GLYR1: variants seen among roughly 807,000 people sequenced by gnomAD.
GLYR1 encodes the protein glyoxylate reductase 1 homolog.
In GLYR1, 21 loss-of-function variants were observed where a neutral mutation model predicts 72.7. The observed-to-expected ratio is 0.29, with a 90% CI of 0.20 to 0.42. GLYR1 has a LOEUF of 0.42. Ranked by LOEUF, GLYR1 falls within the 10% of genes least tolerant of loss-of-function variation. The pLI is 1.00. For missense variants in GLYR1, 594 were observed against 712.1 expected (o/e 0.83, Z 1.89); for synonymous variants, 392 against 270.2 (o/e 1.45, Z -4.42).
chr16:4,808,878 A>T (rs1249530627), intron 15 of GLYR1, among the ~76,000 whole-genome samples: 3 of 152,082 alleles, frequency 2.0e-5, no homozygotes, highest in Non-Finnish European at 4.4e-5. Context: ...AGGTGGGAGG[A>T]TTGCTTGAGC....
In GLYR1 at chr16:4,804,834, T is replaced by G; in HGVS notation, c.*402A>C. 4.5e-6 allele frequency: 1 copy of G among 223,648 alleles called. No individual in the cohort carries two copies. Among genetic ancestry groups the G allele is most frequent in the South Asian group, 7.7e-5 (1 of 13,022 alleles). 13.9% of individuals were successfully genotyped at this position (223,648 alleles called of 1,614,324 possible). On this transcript the variant is annotated 3_prime_UTR_variant, in exon 16 of 16. Coordinates refer to ENST00000321919, the MANE Select transcript of GLYR1 (RefSeq NM_032569.4). ...GAAGGCTTCCAACTCTCGTTGCTGA[T>G]TCTAGTTCCTTGACTGGAAGGGGTT...
At chr16:4,811,923 G>C in intron 13 of GLYR1, 121 bp from the exon 14 acceptor site, 2 of 1,412,864 alleles carry the variant, frequency 1.4e-6, no homozygotes, top group Non-Finnish European at 1.9e-6. Context: ...ACCTGCCCCC[G>C]ACAGACTGGC....
chr16:4,847,283 G>T lies in GLYR1; in HGVS notation c.-18C>A, dbSNP rs770410027. 1.2e-5 allele frequency: 19 copies of T among 1,609,470 alleles called. No homozygotes were observed. Among genetic ancestry groups the T allele is most frequent in the African/African-American group, 2.7e-5 (2 of 74,532 alleles). ...GCCGCCATCTTACCACCCAACCACC[G>T]CCGACGCACGGGCCGCCGGGAACAG... On this transcript the variant is annotated 5_prime_UTR_variant, in exon 1 of 16. Coordinates refer to ENST00000321919, the MANE Select transcript of GLYR1 (RefSeq NM_032569.4).
chr16:4,816,143 T>C (rs1413089230), intron 10 of GLYR1, among the ~76,000 whole-genome samples: 1 of 152,162 alleles, frequency 6.6e-6, no homozygotes, highest in Non-Finnish European at 1.5e-5. Flanking sequence ...GTGAGCCATT[T>C]TTTTGTCCTT....
intron 2 of GLYR1, among the ~76,000 whole-genome samples, chr16:4,845,752 A>G (rs961768991): frequency 3.3e-5 from 5 of 152,248 alleles, no homozygotes; most frequent in Admixed American, 6.5e-5. Flanking sequence ...TTCTGCAAAG[A>G]GGCACTGGAG....
rs13331734 is a variant in GLYR1, at chr16:4,837,932, A to G, written c.156-5020T>C. Among the ~76,000 whole-genome samples, 1,060 of 142,544 alleles carry G rather than the reference A, an allele frequency of 7.4e-3. 20 individuals are homozygous for G. The highest frequency in any genetic ancestry group is 0.028 in the African/African-American group (1,014 of 36,524). The allele number at this position is 142,544 out of a possible 152,430, so 93.5% of individuals were successfully genotyped here. A position where few individuals can be genotyped will look rare whatever the true frequency, so the allele number is the denominator to read the frequency against. ...GCGACAGAGCGAGACTCCATCTCAAAAAATAAATAAATAAATAAATAAATA... is the reference window on the plus strand; with the variant it reads ...GCGACAGAGCGAGACTCCATCTCAAGAAATAAATAAATAAATAAATAAATA... On this transcript the variant is annotated intron_variant, in intron 3 of 15. Transcript: ENST00000321919.
chr16:4,833,651 A>AAG (rs2084936776), intron 3 of GLYR1, among the ~76,000 whole-genome samples: 1 of 152,002 alleles, frequency 6.6e-6, no homozygotes, highest in Non-Finnish European at 1.5e-5. Context: ...CTCAAAAAAA[A>AAG]AAAAAAATAG....
At chr16:4,840,547 ACTCT>A (rs201710334) in intron 3 of GLYR1, among the ~76,000 whole-genome samples, 1 of 149,456 alleles carries the variant, frequency 6.7e-6, no homozygotes, top group Admixed American at 6.7e-5. Context: ...ACACACACAC[ACTCT>A]CTCTCTCTCC....
At chr16:4,806,902 G>T (rs537663457) in intron 15 of GLYR1, among the ~76,000 whole-genome samples, 1 of 150,026 alleles carries the variant, frequency 6.7e-6, no homozygotes, top group Non-Finnish European at 1.5e-5. Flanking sequence ...TGCCTCCCGG[G>T]TTCACGCCAT....
chr16:4,811,881 A>C (rs1282820383), intron 13 of GLYR1, 79 bp from the exon 14 acceptor site: 2 of 1,508,134 alleles, frequency 1.3e-6, no homozygotes, highest in Non-Finnish European at 1.8e-6. Flanking sequence ...ACCTCTGCTC[A>C]GACCCACCTC....
At position 4,811,157 on chromosome 16, in the gene GLYR1, A is replaced by C. The variant is rs375827869; in HGVS notation, c.1587+13T>G. ...ACTGAAGGGCCTTGGGGCTTGGGCC[A>C]CATCTACCCTACCTCATTTGCTGCA... On this transcript the variant is annotated intron_variant, in intron 15 of 15. Transcript: ENST00000321919. 1.9e-6 allele frequency: 3 copies of C among 1,609,956 alleles called. No homozygotes were observed. The highest frequency in any genetic ancestry group is 2.5e-6 in the Non-Finnish European group (3 of 1,179,076).
At chr16:4,842,816 C>A (rs1040859711) in intron 3 of GLYR1, among the ~76,000 whole-genome samples, 3 of 152,186 alleles carry the variant, frequency 2.0e-5, no homozygotes, top group African/African-American at 7.2e-5. Flanking sequence ...TCTACTGCCT[C>A]AGCTTCCTGA....
At chr16:4,816,255 G>C (rs537792324) in intron 10 of GLYR1, among the ~76,000 whole-genome samples, 1 of 150,104 alleles carries the variant, frequency 6.7e-6, no homozygotes, top group African/African-American at 2.4e-5. Flanking sequence ...GAGATCTTCT[G>C]GCCTCAGCCT....
intron 15 of GLYR1, among the ~76,000 whole-genome samples, chr16:4,809,346 T>C (rs775897666): frequency 6.7e-4 from 102 of 151,166 alleles, no homozygotes; most frequent in South Asian, 3.4e-3. Context: ...CCTGCCACCA[T>C]GCCCAGCTAA....
At chr16:4,846,335 T>C (rs972923114) in intron 1 of GLYR1, 125 bp from the exon 2 acceptor site, 1 of 1,066,542 alleles carries the variant, frequency 9.4e-7, no homozygotes, top group African/African-American at 1.6e-5. Flanking sequence ...AACAAAAGCT[T>C]TCATAGCTGG....
At chr16:4,823,691 C>G (rs1420020717) in intron 6 of GLYR1, 130 bp downstream of exon 6, 15 of 773,602 alleles carry the variant, frequency 1.9e-5, no homozygotes, top group Non-Finnish European at 3.0e-5. Context: ...ATTTCATAGA[C>G]TTCTGTACTG....
intron 15 of GLYR1, among the ~76,000 whole-genome samples, chr16:4,808,596 C>T (rs1338369850): frequency 1.3e-5 from 2 of 148,440 alleles, no homozygotes; most frequent in Non-Finnish European, 2.9e-5. Flanking sequence ...GAAACTCGGT[C>T]TCTAAAATAA....
At chr16:4,823,083 T>C in intron 6 of GLYR1, 152 bp from the exon 7 acceptor site, 1 of 689,912 alleles carries the variant, frequency 1.4e-6, no homozygotes, top group Non-Finnish European at 2.5e-6. Context: ...CATTTTGGCC[T>C]AAGCCTTTTT....
At position 4,832,930 on chromosome 16, in the gene GLYR1, C is replaced by A. The variant is rs1392164685; in HGVS notation, c.156-18G>T. 11 of 1,601,848 alleles carry A rather than the reference C, an allele frequency of 6.9e-6. No homozygotes were observed. The highest frequency in any genetic ancestry group is 1.7e-4 in the Middle Eastern group (1 of 6,004). On this transcript the variant is annotated intron_variant, in intron 3 of 15. Transcript: ENST00000321919. ...TCCAGGCACTAGCAGAAAACAAACA[C>A]AAAAAGGGTGTGAACCATATAGCAT...
Sources: gnomAD v4.1 joint callset for allele counts (sites outside exome capture counted in the v4.1 genomes callset) on GRCh38, gnomAD v4.1.1 for gene constraint, MANE v1.5 for transcripts, NCBI Gene and HGNC (gene_info 2026-07-23, HGNC 2026-07-21) for gene names.